LRFN2: variants seen among roughly 807,000 people sequenced by gnomAD.
LRFN2 encodes the protein leucine-rich repeat and fibronectin type-III domain-containing protein 2.
LRFN2 carries 18 observed loss-of-function variants against 37.3 expected under a neutral mutation model. That is an observed-to-expected ratio of 0.48 (90% CI 0.33 to 0.72). The LOEUF (loss-of-function observed/expected upper bound fraction) is 0.72, where lower values mean the gene tolerates loss of function less well. Among genes scored for constraint, LRFN2 ranks in the 30% least tolerant of loss-of-function variants. The probability of loss-of-function intolerance (pLI) is 0.02; values close to 1 mark genes in which losing one functional copy is unlikely to be tolerated. For missense variants in LRFN2, 1,006 were observed against 1,060.7 expected (o/e 0.95, Z 0.72); for synonymous variants, 556 against 466.6 (o/e 1.19, Z -2.47).
At chr6:40,484,323 T>G (rs1293681671) in intron 1 of LRFN2, among the ~76,000 whole-genome samples, 1 of 152,112 alleles carries the variant, frequency 6.6e-6, no homozygotes, top group Non-Finnish European at 1.5e-5. Context: ...GCGGCTAGTC[T>G]CTAATTTTCA....
intron 1 of LRFN2, among the ~76,000 whole-genome samples, chr6:40,451,503 G>C (rs1396608073): frequency 6.6e-6 from 1 of 152,154 alleles, no homozygotes; most frequent in Non-Finnish European, 1.5e-5. Flanking sequence ...TCTTCCCCTG[G>C]GGGAAGCAGC....
intron 1 of LRFN2, among the ~76,000 whole-genome samples, chr6:40,571,735 C>T (rs1313108344): frequency 3.3e-5 from 5 of 152,190 alleles, no homozygotes; most frequent in Non-Finnish European, 5.9e-5. Flanking sequence ...CAGGTGGATC[C>T]CCAAATCATG....
chr6:40,556,690 T>TC (rs1766892488), intron 1 of LRFN2, among the ~76,000 whole-genome samples: 1 of 117,108 alleles, frequency 8.5e-6, no homozygotes, highest in Non-Finnish European at 1.8e-5. Flanking sequence ...CTCTCTCTCT[T>TC]TGTTTCTCTC....
chr6:40,483,765 C>T (rs1252833622), intron 1 of LRFN2, among the ~76,000 whole-genome samples: 1 of 152,124 alleles, frequency 6.6e-6, no homozygotes, highest in Non-Finnish European at 1.5e-5. Context: ...GCAGGTCTTC[C>T]TTCCCTCCCT....
intron 1 of LRFN2, among the ~76,000 whole-genome samples, chr6:40,526,064 A>C (rs1766246426): frequency 6.6e-6 from 1 of 152,248 alleles, no homozygotes; most frequent in Non-Finnish European, 1.5e-5. Context: ...TTTCTCGGCT[A>C]TGTGCAGGGC....
intron 1 of LRFN2, among the ~76,000 whole-genome samples, chr6:40,437,402 G>A (rs891742320): frequency 2.0e-5 from 3 of 152,136 alleles, no homozygotes; most frequent in Non-Finnish European, 4.4e-5. Context: ...AGGCCCAGAC[G>A]CTTCCAGATG....
chr6:40,406,669 C>G lies in LRFN2; in HGVS notation c.1401-13757G>C, dbSNP rs369232084. Among the ~76,000 whole-genome samples the G allele has an allele frequency of 3.6e-3, 554 of 152,330 alleles. 2 individuals are homozygous for G. The highest frequency in any genetic ancestry group is 0.023 in the South Asian group (112 of 4,830). On this transcript the variant is annotated intron_variant, in intron 2 of 2. Transcript: ENST00000338305. ...ACAACTCTGAGTGACTCATGGGGGCCGTGGTCTGACAGACTGCGTCTTCCT... is the reference window on the plus strand; with the variant it reads ...ACAACTCTGAGTGACTCATGGGGGCGGTGGTCTGACAGACTGCGTCTTCCT...
At chr6:40,544,871 C>A (rs1766627204) in intron 1 of LRFN2, among the ~76,000 whole-genome samples, 1 of 152,212 alleles carries the variant, frequency 6.6e-6, no homozygotes, top group Non-Finnish European at 1.5e-5. Context: ...CCTAAACCTG[C>A]ATCTTTATAA....
At chr6:40,543,592 T>C (rs12205516) in intron 1 of LRFN2, among the ~76,000 whole-genome samples, 76,516 of 152,090 alleles carry the variant, frequency 0.5, 20,286 homozygotes, top group African/African-American at 0.67. Flanking sequence ...AAGCTTGACA[T>C]GGTGCTTTTT....
chr6:40,554,281 A>T (rs1279303253), intron 1 of LRFN2, among the ~76,000 whole-genome samples: 1 of 152,098 alleles, frequency 6.6e-6, no homozygotes, highest in Non-Finnish European at 1.5e-5. Context: ...TCAGTTTTGG[A>T]GGCCTTTATA....
chr6:40,442,405 G>A (rs1392769210), intron 1 of LRFN2, among the ~76,000 whole-genome samples: 1 of 152,184 alleles, frequency 6.6e-6, no homozygotes, highest in African/African-American at 2.4e-5. Context: ...AGGTCACTGT[G>A]GCTAGACTCC....
At chr6:40,565,010 G>A (rs887343212) in intron 1 of LRFN2, among the ~76,000 whole-genome samples, 6 of 152,312 alleles carry the variant, frequency 3.9e-5, no homozygotes, top group East Asian at 1.9e-4. Context: ...CCATCAGGAC[G>A]CCTGTCAGTT....
chr6:40,432,910 G>A lies in LRFN2; in HGVS notation c.204C>T (p.Ser68=), dbSNP rs1217688124. The change falls in exon 2 of 3, where the codon AGC becomes AGT. Residue 68 remains serine, a synonymous_variant. Transcript: ENST00000338305. ...RLGGNFIIHI[S]RQDFANMTGL... is the part of the protein sequence containing the mutation. ...CCGTCATGTTGGCAAAGTCCTGGCG[G>A]CTGATGTGGATGATGAAGTTGCCGC... is the stretch of plus-strand genomic sequence containing the variant. 1 of 1,614,234 alleles carries A rather than the reference G, an allele frequency of 6.2e-7. No homozygotes were observed. Among genetic ancestry groups the A allele is most frequent in the African/African-American group, 1.3e-5 (1 of 75,084 alleles).
rs1279517950 is a variant in LRFN2 at position 40,586,559 on chromosome 6, G to A, written c.-19+382C>T. The stretch of plus-strand genomic sequence containing the variant: ...CACCTAGCCCCCAGCAATGGCTCTA[G>A]CCAGGCCTTGCATGTGCGGAGATGC... On this transcript the variant is annotated intron_variant, in intron 1 of 2. Transcript: ENST00000338305. Among the ~76,000 whole-genome samples, 4 of 152,110 alleles carry A rather than the reference G, an allele frequency of 2.6e-5. No individual in the cohort carries two copies. In the South Asian group the frequency reaches 8.3e-4, roughly 32 times the overall value.
At chr6:40,443,019 T>G (rs1763878198) in intron 1 of LRFN2, among the ~76,000 whole-genome samples, 1 of 80,266 alleles carries the variant, frequency 1.2e-5, no homozygotes, top group African/African-American at 3.4e-5. Flanking sequence ...ACCCCTCTTA[T>G]TATTAAAACA....
At chr6:40,511,159 G>A (rs1765696618) in intron 1 of LRFN2, among the ~76,000 whole-genome samples, 2 of 152,078 alleles carry the variant, frequency 1.3e-5, no homozygotes, top group Admixed American at 1.3e-4. Flanking sequence ...AAGGTCAGAT[G>A]GAGTTTACTC....
intron 2 of LRFN2, among the ~76,000 whole-genome samples, chr6:40,419,371 A>G (rs993186242): frequency 1.3e-5 from 2 of 152,142 alleles, no homozygotes; most frequent in African/African-American, 4.8e-5. Context: ...CATTTCTGCT[A>G]TCACCATGAG....
chr6:40,467,571 G>A (rs1764498581), intron 1 of LRFN2, among the ~76,000 whole-genome samples: 1 of 152,182 alleles, frequency 6.6e-6, no homozygotes, highest in East Asian at 1.9e-4. Context: ...GGCTTTACAG[G>A]TGAGCTATCT....
At chr6:40,570,748 A>G (rs1247476538) in intron 1 of LRFN2, among the ~76,000 whole-genome samples, 13 of 152,264 alleles carry the variant, frequency 8.5e-5, no homozygotes, top group Admixed American at 3.9e-4. Context: ...GTGTCCAGCC[A>G]TGCAGACTGT....
Sources: allele counts gnomAD v4.1 joint callset (sites outside exome capture counted in the v4.1 genomes callset), GRCh38; gene constraint gnomAD v4.1.1; transcripts MANE v1.5; gene names NCBI Gene and HGNC (gene_info 2026-07-23, HGNC 2026-07-21).